SRGAP3: variants seen among roughly 807,000 people sequenced by gnomAD.
SRGAP3 encodes SLIT-ROBO Rho GTPase activating protein 3, also known as SLIT-ROBO Rho GTPase-activating protein 3.
Under a neutral mutation model 121.1 loss-of-function variants are expected in SRGAP3, and 39 were observed. That is an observed-to-expected ratio of 0.32 (90% CI 0.25 to 0.42). The LOEUF is 0.42. Among genes scored for constraint, SRGAP3 ranks in the 10% least tolerant of loss-of-function variants. The pLI, the probability that SRGAP3 is intolerant of heterozygous loss-of-function variation, is 1.00. For missense variants in SRGAP3, 1,213 were observed against 1,470.6 expected, an observed-to-expected ratio of 0.82 and a Z score of 2.86; for synonymous variants, 601 against 570.0, an observed-to-expected ratio of 1.05 and a Z score of -0.77.
intron 3 of SRGAP3, among the ~76,000 whole-genome samples, chr3:9,278,510 T>C (rs1954622578): frequency 6.6e-6 from 1 of 152,218 alleles, no homozygotes; most frequent in African/African-American, 2.4e-5. Context: ...GTAATAATAA[T>C]AACAGCCCTG....
intron 10 of SRGAP3, among the ~76,000 whole-genome samples, chr3:9,046,390 G>C (rs1469261019): frequency 6.6e-6 from 1 of 152,232 alleles, no homozygotes; most frequent in Non-Finnish European, 1.5e-5. Context: ...AAGGCCCTGG[G>C]GCAGGAATAA....
chr3:9,127,062 C>T (rs765737751), intron 1 of SRGAP3, among the ~76,000 whole-genome samples: 64 of 152,166 alleles, frequency 4.2e-4, no homozygotes, highest in Non-Finnish European at 6.2e-4. Flanking sequence ...GAGACCACGT[C>T]TGTCATCACA....
At chr3:9,245,461 ATCCTATTAT>A in intron 1 of SRGAP3, among the ~76,000 whole-genome samples, 2 of 152,344 alleles carry the variant, frequency 1.3e-5, no homozygotes, top group Non-Finnish European at 2.9e-5. Flanking sequence ...GTAGCGAACC[ATCCTATTAT>A]ATGAGGATAA....
chr3:9,126,414 G>A (rs781336898), intron 1 of SRGAP3, among the ~76,000 whole-genome samples: 104 of 152,256 alleles, frequency 6.8e-4, no homozygotes, highest in Non-Finnish European at 1.2e-3. Flanking sequence ...GGTGGATCAC[G>A]AGGTCAGGAG....
intron 1 of SRGAP3, among the ~76,000 whole-genome samples, chr3:9,125,250 T>C (rs933990701): frequency 6.6e-6 from 1 of 152,220 alleles, no homozygotes; most frequent in Non-Finnish European, 1.5e-5. Flanking sequence ...CTTACGGAGA[T>C]GATCTTGCTT....
intron 1 of SRGAP3, among the ~76,000 whole-genome samples, chr3:9,354,405 C>T (rs1033693921): frequency 6.6e-6 from 1 of 151,976 alleles, no homozygotes; most frequent in Non-Finnish European, 1.5e-5. Context: ...GGAGGCCGGG[C>T]GCGGTGGCTC....
intron 1 of SRGAP3, among the ~76,000 whole-genome samples, chr3:9,243,904 T>G (rs975205247): frequency 6.6e-6 from 1 of 152,206 alleles, no homozygotes; most frequent in African/African-American, 2.4e-5. Context: ...CAAGAGATTT[T>G]GCTTAAAAAT....
chr3:9,047,101 G>C (rs563656645), intron 10 of SRGAP3, among the ~76,000 whole-genome samples: 1 of 152,034 alleles, frequency 6.6e-6, no homozygotes, highest in East Asian at 1.9e-4. Context: ...CAAAGTGCTG[G>C]GATTACAGGC....
At chr3:9,173,008 G>A (rs1260531014) in intron 1 of SRGAP3, among the ~76,000 whole-genome samples, 4 of 152,238 alleles carry the variant, frequency 2.6e-5, no homozygotes, top group Non-Finnish European at 5.9e-5. Context: ...AAGGCAAACA[G>A]GAGAGGTGGT....
At chr3:9,332,068 C>G (rs576057479) in intron 1 of SRGAP3, among the ~76,000 whole-genome samples, 61 of 152,214 alleles carry the variant, frequency 4.0e-4, no homozygotes, top group African/African-American at 1.4e-3. Context: ...GCCAATGCTA[C>G]GAAGAAATAT....
rs767652027 is a variant in SRGAP3, at chr3:9,037,820, C to CG, written c.1436+242_1436+243insC. The CG allele has an allele frequency of 2.8e-3, 1,650 of 592,116 alleles. 3 individuals carry two copies. Among genetic ancestry groups the CG allele is most frequent in the Middle Eastern group, 9.2e-3 (20 of 2,182 alleles). The allele number at this position is 592,116 out of a possible 1,614,324, so 36.7% of individuals were successfully genotyped here. A position where few individuals can be genotyped will look rare whatever the true frequency, so the allele number is the denominator to read the frequency against. ...AGCGCAAAGGGAGGGTGCCCCACTG[C>CG]CACACAGCAGCCCCAAAAGCGCCCC... is the stretch of plus-strand genomic sequence containing the variant. On this transcript the variant is annotated intron_variant, in intron 11 of 21. Transcript: ENST00000383836.
intron 1 of SRGAP3, among the ~76,000 whole-genome samples, chr3:9,127,166 T>TA (rs5846624): frequency 1.3e-3 from 188 of 146,906 alleles, no homozygotes; most frequent in African/African-American, 3.8e-3. Flanking sequence ...CATAAAAACT[T>TA]AAAAAAAAAA....
At chr3:8,991,488 G>A (rs1021545236) in intron 20 of SRGAP3, among the ~76,000 whole-genome samples, 5 of 152,308 alleles carry the variant, frequency 3.3e-5, no homozygotes, top group Middle Eastern at 3.4e-3. Flanking sequence ...CTGGTGTGGT[G>A]AAAAGGGGAT....
At chr3:9,040,893 C>T (rs1944979477) in intron 10 of SRGAP3, among the ~76,000 whole-genome samples, 2 of 152,190 alleles carry the variant, frequency 1.3e-5, no homozygotes, top group African/African-American at 4.8e-5. Flanking sequence ...TTGTCCACTG[C>T]CAGTCTATCT....
chr3:9,084,526 T>A (rs1356127245), intron 3 of SRGAP3, among the ~76,000 whole-genome samples: 1 of 152,188 alleles, frequency 6.6e-6, no homozygotes, highest in East Asian at 1.9e-4. Flanking sequence ...TTCTGGACAA[T>A]TGATTGGACT....
chr3:9,287,708 A>T (rs1040812134), intron 3 of SRGAP3, among the ~76,000 whole-genome samples: 3 of 152,224 alleles, frequency 2.0e-5, no homozygotes, highest in African/African-American at 7.2e-5. Flanking sequence ...TCAACATTAT[A>T]CAATACATAT....
At chr3:9,286,721 G>C (rs1954781129) in intron 3 of SRGAP3, among the ~76,000 whole-genome samples, 1 of 150,378 alleles carries the variant, frequency 6.6e-6, no homozygotes, top group Non-Finnish European at 1.5e-5. Flanking sequence ...TCCTGCCTCA[G>C]CCTCCTGAGT....
At chr3:9,256,789 A>C (rs1353084941) in intron 3 of SRGAP3, 1 of 398,006 alleles carries the variant, frequency 2.5e-6, no homozygotes. Flanking sequence ...TGTGGAGGAG[A>C]CCTCTGGTTC....
chr3:9,087,137 T>C (rs1215543478), intron 3 of SRGAP3, among the ~76,000 whole-genome samples: 2 of 152,124 alleles, frequency 1.3e-5, no homozygotes, highest in African/African-American at 2.4e-5. Context: ...TATATATGTG[T>C]TTGCTGAATG....
Sources: gnomAD v4.1 joint callset for allele counts (sites outside exome capture counted in the v4.1 genomes callset) on GRCh38, gnomAD v4.1.1 for gene constraint, MANE v1.5 for transcripts, NCBI Gene and HGNC (gene_info 2026-07-23, HGNC 2026-07-21) for gene names.